RGS12: variants seen among roughly 807,000 people sequenced by gnomAD.
RGS12 encodes regulator of G protein signaling 12, also known as regulator of G-protein signaling 12.
A neutral mutation model predicts 120.1 loss-of-function variants in RGS12; 66 were observed. The observed-to-expected ratio is 0.55, with a 90% CI of 0.45 to 0.67. The LOEUF (loss-of-function observed/expected upper bound fraction) is 0.67. Among genes scored for constraint, RGS12 ranks in the 30% least tolerant of loss-of-function variants. The probability of loss-of-function intolerance (pLI) is 0.00; values close to 1 mark genes in which losing one functional copy is unlikely to be tolerated. For missense variants in RGS12, 1,859 were observed against 1,957.7 expected, an observed-to-expected ratio of 0.95 and a Z score of 0.95; for synonymous variants, 827 against 804.7, an observed-to-expected ratio of 1.03 and a Z score of -0.47.
At chr4:3,309,600 G>A (rs1724211181) in intron 1 of RGS12, among the ~76,000 whole-genome samples, 1 of 133,056 alleles carries the variant, frequency 7.5e-6, no homozygotes, top group African/African-American at 3.1e-5. Context: ...TTGAGGAGGA[G>A]CTGGGACCTG....
Position 3,423,817 on chromosome 4 carries a change from A to T in RGS12, c.3234+176A>T, listed in dbSNP as rs930655239. On this transcript the variant is annotated intron_variant, in intron 13 of 17. Transcript: ENST00000336727. ...GCCATCCCCAGTTCTCGTTCTGTGC[A>T]GTGGGAGCCATCATGGTTTATTTGT... 4 of 698,142 alleles carry T rather than the reference A, an allele frequency of 5.7e-6. No homozygotes were observed. The African/African-American group carries it at 7.2e-5, about 13-fold the overall frequency. 43.2% of individuals were successfully genotyped at this position (698,142 alleles called of 1,614,324 possible).
intron 1 of RGS12, among the ~76,000 whole-genome samples, chr4:3,294,016 T>C (rs1723225875): frequency 6.6e-6 from 1 of 152,272 alleles, no homozygotes; most frequent in African/African-American, 2.4e-5. Flanking sequence ...AGCCGTGGAG[T>C]GTGGACAGAG....
At chr4:3,342,184 G>C (rs879465388) in intron 2 of RGS12, among the ~76,000 whole-genome samples, 9 of 152,188 alleles carry the variant, frequency 5.9e-5, no homozygotes, top group Middle Eastern at 3.4e-3. Context: ...ACATAAACAG[G>C]TTCCCTTCCT....
chr4:3,305,208 A>G (rs761681013), intron 1 of RGS12, among the ~76,000 whole-genome samples: 3 of 152,148 alleles, frequency 2.0e-5, no homozygotes, highest in Non-Finnish European at 4.4e-5. Flanking sequence ...TGAAAACCTC[A>G]TCTTGGAAGT....
chr4:3,348,136 A>G (rs1264149504), intron 3 of RGS12, among the ~76,000 whole-genome samples: 1 of 152,236 alleles, frequency 6.6e-6, no homozygotes, highest in Non-Finnish European at 1.5e-5. Context: ...TAGAATTTAT[A>G]TCTTGGGGAA....
At chr4:3,423,054 C>A in intron 12 of RGS12, 76 bp downstream of exon 12, 1 of 1,225,166 alleles carries the variant, frequency 8.2e-7, no homozygotes, top group South Asian at 1.2e-5. Context: ...CTGGTCTCTG[C>A]GCTTAGCGGG....
intron 4 of RGS12, among the ~76,000 whole-genome samples, chr4:3,386,749 C>T (rs531713588): frequency 5.9e-5 from 9 of 152,326 alleles, no homozygotes; most frequent in Admixed American, 1.3e-4. Context: ...CGTGTTTTTG[C>T]TCTTCCCTTG....
Position 3,316,093 on chromosome 4 carries a change from T to C in RGS12, c.-78T>C. ...AGGGCACTGTTTGAAGAAGCAAACA[T>C]GGTAGCATCAAGCATTCCTTGAAAT... On this transcript the variant is annotated 5_prime_UTR_variant, in exon 2 of 18. It removes an upstream start codon present in the reference 5' UTR. Transcript: ENST00000336727. 2 of 1,416,188 alleles carry C rather than the reference T, an allele frequency of 1.4e-6. No individual in the cohort carries two copies. Among genetic ancestry groups the C allele is most frequent in the Non-Finnish European group, 1.9e-6 (2 of 1,050,026 alleles). 87.7% of individuals were successfully genotyped at this position (1,416,188 alleles called of 1,614,324 possible).
intron 3 of RGS12, among the ~76,000 whole-genome samples, chr4:3,368,294 C>A (rs1277049717): frequency 6.6e-6 from 1 of 152,188 alleles, no homozygotes; most frequent in Non-Finnish European, 1.5e-5. Flanking sequence ...TGCTGTTGTT[C>A]CAGAACCTTC....
At chr4:3,412,081 C>G (rs1477049707) in intron 4 of RGS12, among the ~76,000 whole-genome samples, 1 of 152,286 alleles carries the variant, frequency 6.6e-6, no homozygotes. Flanking sequence ...TATCCCAGAA[C>G]TTCCTTTCGG....
At chr4:3,397,330 G>A (rs538711985) in intron 4 of RGS12, among the ~76,000 whole-genome samples, 20 of 152,338 alleles carry the variant, frequency 1.3e-4, no homozygotes, top group South Asian at 8.3e-4. Context: ...GTGCGTGGCC[G>A]GGCCAGAGCC....
rs2109121988 is a variant in RGS12 at position 3,416,857 on chromosome 4, G to C, written c.2428-56G>C. ...CAGGTCGCCAAGCAGCCTCGCGCCT[G>C]AGGCTGCATGTCTGGGTCCCTCCTG... On this transcript the variant is annotated intron_variant, in intron 7 of 17. Transcript: ENST00000336727. 2.0e-6 allele frequency: 3 copies of C among 1,517,436 alleles called. No individual in the cohort carries two copies. In the South Asian group the frequency reaches 3.7e-5, roughly 19 times the overall value. 94.0% of individuals were successfully genotyped at this position (1,517,436 alleles called of 1,614,324 possible).
In RGS12 at chr4:3,417,023, G is replaced by C; in HGVS notation, c.2538G>C (p.Gln846His). 1 of 1,613,324 alleles carries C rather than the reference G, an allele frequency of 6.2e-7. No homozygotes were observed. The highest frequency in any genetic ancestry group is 8.5e-7 in the Non-Finnish European group (1 of 1,179,788). The change falls in exon 8 of 18, where the codon CAG becomes CAC. Residue 846 changes from glutamine (Q) to histidine (H), a missense_variant. Physicochemically the swap from Gln to His is conservative, Grantham distance 24. Around this residue, in one of 3 missense-constraint regions of RGS12, gnomAD observed 375 missense variants for 475.0 expected, o/e 0.79. Coordinates refer to ENST00000336727, the MANE Select transcript of RGS12 (RefSeq NM_001394154.1). ...GCCGTGCACTCCCGGACTCGCAGCAGGTCCCCAGCAGCCCGGCTTCCAAGC... is the reference window on the plus strand; with the variant it reads ...GCCGTGCACTCCCGGACTCGCAGCACGTCCCCAGCAGCCCGGCTTCCAAGC... ...VEGRALPDSQ[Q>H]VPSSPASKHS...
chr4:3,332,830 T>C (rs910639459), intron 2 of RGS12, among the ~76,000 whole-genome samples: 1 of 152,228 alleles, frequency 6.6e-6, no homozygotes, highest in African/African-American at 2.4e-5. Context: ...GTCTTTTATA[T>C]ATGTATATTT....
intron 17 of RGS12, among the ~76,000 whole-genome samples, chr4:3,435,057 C>G (rs1724677571): frequency 6.6e-6 from 1 of 152,118 alleles, no homozygotes; most frequent in African/African-American, 2.4e-5. Flanking sequence ...CTGGGGTCCC[C>G]TGGGGCAGCT....
chr4:3,414,111 A>G lies in RGS12; in HGVS notation c.2060A>G (p.Asn687Ser). The G allele has an allele frequency of 6.4e-7, 1 of 1,574,434 alleles. No individual in the cohort carries two copies. The highest frequency in any genetic ancestry group is 8.6e-7 in the Non-Finnish European group (1 of 1,166,684). The change falls in exon 5 of 18, where the codon AAC becomes AGC. Residue 687 changes from asparagine (N) to serine (S), a missense_variant. Asn to Ser is a conservative substitution (Grantham distance 46). Around this residue, in one of 3 missense-constraint regions of RGS12, gnomAD observed 967 missense variants for 994.2 expected, o/e 0.97. Transcript: ENST00000336727. Reference protein sequence around the residue: ...GADLKDCVSNNSLSSNASLPS... With the variant: ...GADLKDCVSNSSLSSNASLPS... ...GACCTGAAGGACTGCGTCAGCAACAACAGCCTGAGCAGCAATGCCAGCCTC... is the reference window on the plus strand; with the variant it reads ...GACCTGAAGGACTGCGTCAGCAACAGCAGCCTGAGCAGCAATGCCAGCCTC...
chr4:3,297,085 A>G (rs1471693410), intron 1 of RGS12, among the ~76,000 whole-genome samples: 1 of 152,160 alleles, frequency 6.6e-6, no homozygotes, highest in Non-Finnish European at 1.5e-5. Context: ...TAAGGTCTGG[A>G]CTTCAGTGAA....
At chr4:3,382,612 G>C (rs1029197204) in intron 3 of RGS12, among the ~76,000 whole-genome samples, 4 of 151,978 alleles carry the variant, frequency 2.6e-5, no homozygotes, top group Non-Finnish European at 2.9e-5. Flanking sequence ...TTGAATCTCA[G>C]ATCCTGAGGA....
chr4:3,362,706 A>C, intron 3 of RGS12, among the ~76,000 whole-genome samples: 1 of 91,606 alleles, frequency 1.1e-5, no homozygotes, highest in African/African-American at 4.4e-5. Context: ...GGTGTGTGTG[A>C]GGCTGTGTGA....
Sources: allele counts gnomAD v4.1 joint callset (sites outside exome capture counted in the v4.1 genomes callset), GRCh38; gene constraint gnomAD v4.1.1; regional missense constraint gnomAD v4.1.1; transcripts MANE v1.5; gene names NCBI Gene and HGNC (gene_info 2026-07-23, HGNC 2026-07-21).